Variants in LRRC57 observed in about 807,000 individuals in gnomAD.
LRRC57 encodes the protein leucine rich repeat containing 57.
In LRRC57, 14 loss-of-function variants were observed where a neutral mutation model predicts 23.1. That is an observed-to-expected ratio of 0.61 (90% CI 0.40 to 0.95). LRRC57 has a LOEUF of 0.95. Ranked by LOEUF, LRRC57 falls within the 40% of genes least tolerant of loss-of-function variation. The pLI, the probability that LRRC57 is intolerant of heterozygous loss-of-function variation, is 0.00. For synonymous variants in LRRC57, 106 were observed against 115.2 expected (o/e 0.92, Z 0.51); for missense variants, 236 against 284.4 (o/e 0.83, Z 1.22).
rs2057622214 is a variant in LRRC57 at position 42,540,254 on chromosome 15, C to T, written c.*3829G>A. 6.6e-6 allele frequency: 1 copy of T among 151,042 alleles called. No individual in the cohort carries two copies. The highest frequency in any genetic ancestry group is 2.1e-4 in the South Asian group (1 of 4,796). The allele number at this position is 151,042 out of a possible 1,614,324, so 9.4% of individuals were successfully genotyped here. A position where few individuals can be genotyped will look rare whatever the true frequency, so the allele number is the denominator to read the frequency against. ...GAACAATACAGTTGGCCCTAAGTAT[C>T]CATGGGTTCCACATCTGTGGATTCA... On this transcript the variant is annotated 3_prime_UTR_variant, in exon 6 of 6. Coordinates refer to ENST00000397130, the MANE Select transcript of LRRC57 (RefSeq NM_153260.3).
At position 42,544,253 on chromosome 15, in the gene LRRC57, G is replaced by A. The variant is rs2057645446; in HGVS notation, c.679-129C>T. 3 of 688,924 alleles carry A rather than the reference G, an allele frequency of 4.4e-6. No homozygotes were observed. The East Asian group carries it at 8.1e-5, about 19-fold the overall frequency. 42.7% of individuals were successfully genotyped at this position (688,924 alleles called of 1,614,324 possible). On this transcript the variant is annotated intron_variant, in intron 5 of 5. Coordinates refer to ENST00000397130, the MANE Select transcript of LRRC57 (RefSeq NM_153260.3). Reference sequence around the variant, plus strand: ...TCATTTCCTACAAAATATAACTGCTGTAAATGCAAAATGAATTACATAGTT... The same window carrying A: ...TCATTTCCTACAAAATATAACTGCTATAAATGCAAAATGAATTACATAGTT...
intron 4 of LRRC57, among the ~76,000 whole-genome samples, chr15:42,546,931 T>C (rs980500333): frequency 6.6e-6 from 1 of 152,140 alleles, no homozygotes; most frequent in Non-Finnish European, 1.5e-5. Context: ...CTGACATAGC[T>C]CCTGGCTAGC....
intron 3 of LRRC57, 48 bp downstream of exon 3, chr15:42,548,058 C>T: frequency 1.9e-6 from 3 of 1,603,366 alleles, no homozygotes; most frequent in Non-Finnish European, 2.6e-6. Context: ...AAAACCACCC[C>T]TGGTAACAGC....
the LRRC57 span, among the ~76,000 whole-genome samples, chr15:42,530,760 G>GA: frequency 6.6e-6 from 1 of 151,938 alleles, no homozygotes. Context: ...AAAAAGAAAG[G>GA]AAAAAAAGAA....
intron 5 of LRRC57, among the ~76,000 whole-genome samples, chr15:42,544,325 G>A (rs987140886): frequency 4.6e-5 from 7 of 151,976 alleles, no homozygotes; most frequent in South Asian, 2.1e-4. Flanking sequence ...CACTTTGGGA[G>A]GCCAAGGTAG....
the LRRC57 span, among the ~76,000 whole-genome samples, chr15:42,530,318 C>A: frequency 6.6e-6 from 1 of 152,134 alleles, no homozygotes; most frequent in Non-Finnish European, 1.5e-5. Flanking sequence ...AAAATCTGTT[C>A]TGCAGAATAG....
chr15:42,548,667 G>A (rs559715353), intron 1 of LRRC57, 26 bp downstream of exon 1: 2 of 620,738 alleles, frequency 3.2e-6, no homozygotes, highest in East Asian at 2.7e-5. Context: ...GGGAGCCTAC[G>A]GAAGATCAGG....
At chr15:42,532,466 C>T in the LRRC57 span, 2 of 152,256 alleles carry the variant, frequency 1.3e-5, no homozygotes, top group African/African-American at 4.8e-5. Context: ...TTTCTTATTG[C>T]ACCATTCAGG....
At chr15:42,529,877 A>G in the LRRC57 span, 18 of 1,572,990 alleles carry the variant, frequency 1.1e-5, no homozygotes, top group Non-Finnish European at 1.4e-5. Flanking sequence ...TTTCAGTAAT[A>G]GACATCTGTG....
chr15:42,535,236 C>G (rs986634952), downstream of LRRC57, among the ~76,000 whole-genome samples: 2 of 152,222 alleles, frequency 1.3e-5, no homozygotes, highest in Non-Finnish European at 2.9e-5. Context: ...TTAACAGATA[C>G]AGCTTCTTCC....
At chr15:42,547,564 G>A (rs1160270245) in intron 3 of LRRC57, 35 bp from the exon 4 acceptor site, 2 of 1,573,474 alleles carry the variant, frequency 1.3e-6, no homozygotes, top group Non-Finnish European at 1.7e-6. Flanking sequence ...ACCTGAATGT[G>A]ATAGAGCTGA....
Position 42,545,238 on chromosome 15 carries a change from A to G in LRRC57, c.517T>C (p.Ser173Pro), listed in dbSNP as rs961686868. The change falls in exon 5 of 6, where the codon TCT becomes CCT. Residue 173 changes from serine (S) to proline (P), a missense_variant. Coordinates refer to ENST00000397130, the MANE Select transcript of LRRC57 (RefSeq NM_153260.3). Reference sequence around the variant, plus strand: ...AGAATTTTAAGGCGTGGACAGCAAGATATCTTCACTGAGATCTGAGATATC... The same window carrying G: ...AGAATTTTAAGGCGTGGACAGCAAGGTATCTTCACTGAGATCTGAGATATC... The part of the protein sequence containing the change: ...NQISQISVKI[S>P]CCPRLKILRL... 6.3e-7 allele frequency: 1 copy of G among 1,586,578 alleles called. No individual in the cohort carries two copies. Among genetic ancestry groups the G allele is most frequent in the Non-Finnish European group, 8.5e-7 (1 of 1,170,206 alleles).
rs2057608385 is a variant in LRRC57 at position 42,537,889 on chromosome 15, G to A, written c.*6194C>T. The A allele has an allele frequency of 6.6e-6, 1 of 152,206 alleles. No homozygotes were observed. The highest frequency in any genetic ancestry group is 1.5e-5 in the Non-Finnish European group (1 of 68,046). The allele number at this position is 152,206 out of a possible 1,614,324, so 9.4% of individuals were successfully genotyped here. ...GTAGAGAGTAGAATGATAGTTACCA[G>A]AGGCTGGGTAGTGGGTGTACAGGGT... On this transcript the variant is annotated 3_prime_UTR_variant, in exon 6 of 6. Coordinates refer to ENST00000397130, the MANE Select transcript of LRRC57 (RefSeq NM_153260.3).
the LRRC57 span, among the ~76,000 whole-genome samples, chr15:42,530,646 A>G: frequency 6.6e-6 from 1 of 152,164 alleles, no homozygotes; most frequent in Non-Finnish European, 1.5e-5. Flanking sequence ...GTTACTCGGG[A>G]GGCTGAGGCA....
chr15:42,548,588 A>G, intron 1 of LRRC57, 105 bp downstream of exon 1: 1 of 714,892 alleles, frequency 1.4e-6, no homozygotes, highest in East Asian at 2.7e-5. Context: ...CAAGGAAGAA[A>G]CGGAAGAACA....
chr15:42,528,464 T>C, the LRRC57 span: 4 of 1,577,584 alleles, frequency 2.5e-6, no homozygotes, highest in Non-Finnish European at 3.5e-6. Context: ...TCTTAATGAA[T>C]GGTTCACTTA....
At chr15:42,532,589 T>C in the LRRC57 span, 1 of 152,670 alleles carries the variant, frequency 6.6e-6, no homozygotes, top group African/African-American at 2.4e-5. Context: ...AAAAAATATG[T>C]AAATATATAT....
chr15:42,545,014 A>T (rs1313985720), intron 5 of LRRC57, 63 bp downstream of exon 5: 9 of 1,234,938 alleles, frequency 7.3e-6, no homozygotes, highest in Non-Finnish European at 1.0e-5. Flanking sequence ...ATTTCTGTGG[A>T]TTACTTCACC....
At chr15:42,534,648 C>G (rs1209136906), downstream of LRRC57, among the ~76,000 whole-genome samples, 2 of 152,144 alleles carry the variant, frequency 1.3e-5, no homozygotes, top group Non-Finnish European at 1.5e-5. Flanking sequence ...AGCAATAAGA[C>G]TTGAAAGCTG....
Sources: allele counts gnomAD v4.1 joint callset (sites outside exome capture counted in the v4.1 genomes callset), GRCh38; gene constraint gnomAD v4.1.1; transcripts MANE v1.5; gene names NCBI Gene and HGNC (gene_info 2026-07-23, HGNC 2026-07-21).